The following TOX variants were observed in gnomAD, a reference collection of about 807,000 sequenced individuals.
The protein encoded by TOX is thymocyte selection associated high mobility group box, also known as thymocyte selection-associated high mobility group box protein TOX.
In TOX, 11 loss-of-function variants were observed where a neutral mutation model predicts 53.7. The observed-to-expected ratio is 0.20, with a 90% CI of 0.13 to 0.34. The LOEUF is 0.34. TOX is among the 10% of genes least tolerant of loss of function. The pLI, the probability that TOX is intolerant of heterozygous loss-of-function variation, is 1.00. For synonymous variants in TOX, 225 were observed against 245.3 expected (o/e 0.92, Z 0.77); for missense variants, 570 against 664.6 (o/e 0.86, Z 1.56).
At chr8:58,869,160 G>A (rs373640172) in intron 3 of TOX, among the ~76,000 whole-genome samples, 68 of 148,856 alleles carry the variant, frequency 4.6e-4, no homozygotes, top group African/African-American at 1.5e-3. Context: ...CCGGGAGGCA[G>A]AGGTTGCAGT....
intron 1 of TOX, among the ~76,000 whole-genome samples, chr8:59,045,940 G>A (rs1201543404): frequency 6.6e-6 from 1 of 152,142 alleles, no homozygotes; most frequent in Non-Finnish European, 1.5e-5. Flanking sequence ...CTCCAGCTGT[G>A]GCACCAACAA....
intron 1 of TOX, among the ~76,000 whole-genome samples, chr8:58,970,810 CA>C (rs1427621053): frequency 6.6e-6 from 1 of 152,194 alleles, no homozygotes; most frequent in Non-Finnish European, 1.5e-5. Flanking sequence ...AATACTGTCA[CA>C]ACTAAAAGTA....
At chr8:58,985,769 A>C (rs1813317183) in intron 1 of TOX, among the ~76,000 whole-genome samples, 1 of 152,220 alleles carries the variant, frequency 6.6e-6, no homozygotes, top group Non-Finnish European at 1.5e-5. Flanking sequence ...TCAGCTGAAC[A>C]CAAATCTCTT....
rs114218612 is a variant in TOX, at chr8:58,944,436, C to T, written c.169-4892G>A. ...TCTTAAAACCTTAAAATTTGGTAAT[C>T]GCACATTTAGCTTATAAAGTGCTAC... On this transcript the variant is annotated intron_variant, in intron 2 of 8. Transcript: ENST00000361421. Among the ~76,000 whole-genome samples the T allele has an allele frequency of 4.8e-3, 730 of 152,278 alleles. 2 individuals are homozygous for T. The highest frequency in any genetic ancestry group is 0.017 in the African/African-American group (701 of 41,548).
intron 6 of TOX, among the ~76,000 whole-genome samples, chr8:58,821,027 G>A (rs1810266406): frequency 1.3e-5 from 2 of 152,124 alleles, no homozygotes; most frequent in South Asian, 4.1e-4. Context: ...GTGTAAAATT[G>A]CTTAAGATGG....
chr8:58,839,435 A>G (rs13281543), intron 4 of TOX, among the ~76,000 whole-genome samples: 69,814 of 152,054 alleles, frequency 0.46, 17,940 homozygotes, highest in African/African-American at 0.71. Context: ...CCATGTTCCT[A>G]AAGTATGAAT....
intron 3 of TOX, among the ~76,000 whole-genome samples, chr8:58,884,681 G>A (rs183206976): frequency 6.6e-6 from 1 of 152,176 alleles, no homozygotes; most frequent in African/African-American, 2.4e-5. Context: ...TTTTAATTCA[G>A]GACAGACTTA....
chr8:59,014,889 C>A (rs410519), intron 1 of TOX, among the ~76,000 whole-genome samples: 1 of 152,156 alleles, frequency 6.6e-6, no homozygotes, highest in African/African-American at 2.4e-5. Context: ...AAGAAATAAC[C>A]GCTACAAAAC....
At chr8:58,896,684 TAAAATAA>T (rs1453876079) in intron 3 of TOX, among the ~76,000 whole-genome samples, 1 of 22,008 alleles carries the variant, frequency 4.5e-5, no homozygotes, top group Admixed American at 3.8e-4. Flanking sequence ...AAAAATAAAA[TAAAATAA>T]AATAAAATAA....
At chr8:58,935,654 T>A (rs1467569706) in intron 3 of TOX, among the ~76,000 whole-genome samples, 3 of 152,174 alleles carry the variant, frequency 2.0e-5, no homozygotes, top group Non-Finnish European at 4.4e-5. Context: ...TTTTCCTGTC[T>A]AATGGGCACT....
Position 58,807,450 on chromosome 8 carries a change from C to T in TOX, c.*297G>A, listed in dbSNP as rs1259777193. Reference sequence around the variant, plus strand: ...CCAGGACTTTTATCCGAGACATCTACAGTTGCTAAGGCAGTTACTAGAGCG... The same window carrying T: ...CCAGGACTTTTATCCGAGACATCTATAGTTGCTAAGGCAGTTACTAGAGCG... On this transcript the variant is annotated 3_prime_UTR_variant, in exon 9 of 9. Coordinates refer to ENST00000361421, the MANE Select transcript of TOX (RefSeq NM_014729.3). The T allele has an allele frequency of 3.2e-6, 1 of 314,864 alleles. No homozygotes were observed. Among genetic ancestry groups the T allele is most frequent in the South Asian group, 6.4e-5 (1 of 15,636 alleles). 19.5% of individuals were successfully genotyped at this position (314,864 alleles called of 1,614,324 possible).
intron 3 of TOX, among the ~76,000 whole-genome samples, chr8:58,882,064 A>G (rs977255249): frequency 6.6e-6 from 1 of 152,210 alleles, no homozygotes; most frequent in Non-Finnish European, 1.5e-5. Context: ...TAATTGTGCA[A>G]TTGTGACTAA....
chr8:59,022,268 A>C (rs1814150389), intron 1 of TOX, among the ~76,000 whole-genome samples: 1 of 152,094 alleles, frequency 6.6e-6, no homozygotes, highest in South Asian at 2.1e-4. Flanking sequence ...CCAGTCTTTA[A>C]ACTCATTCAT....
intron 1 of TOX, among the ~76,000 whole-genome samples, chr8:59,041,630 T>G (rs569564274): frequency 6.6e-6 from 1 of 152,344 alleles, no homozygotes; most frequent in Non-Finnish European, 1.5e-5. Context: ...CAGCAAGTTC[T>G]TCATCTTTGT....
At chr8:58,991,335 C>A (rs1813441947) in intron 1 of TOX, among the ~76,000 whole-genome samples, 1 of 152,220 alleles carries the variant, frequency 6.6e-6, no homozygotes, top group South Asian at 2.1e-4. Context: ...AAGAGTGACT[C>A]ACTTTCTCCC....
chr8:59,070,250 T>C (rs1467296787), intron 1 of TOX, among the ~76,000 whole-genome samples: 2 of 152,178 alleles, frequency 1.3e-5, no homozygotes, highest in Non-Finnish European at 2.9e-5. Flanking sequence ...GCCAAATATC[T>C]GCCTCAACAC....
At chr8:58,895,795 G>A (rs1811634966) in intron 3 of TOX, among the ~76,000 whole-genome samples, 1 of 152,140 alleles carries the variant, frequency 6.6e-6, no homozygotes, top group African/African-American at 2.4e-5. Context: ...GGCAGACTGG[G>A]TTTTAATTTT....
At chr8:58,835,957 G>A (rs1205101316) in intron 5 of TOX, among the ~76,000 whole-genome samples, 1 of 152,126 alleles carries the variant, frequency 6.6e-6, no homozygotes, top group African/African-American at 2.4e-5. Flanking sequence ...CCTTCACGGG[G>A]GAATCATGTG....
At chr8:58,845,926 T>C (rs540275685) in intron 4 of TOX, among the ~76,000 whole-genome samples, 2 of 152,120 alleles carry the variant, frequency 1.3e-5, no homozygotes, top group Non-Finnish European at 2.9e-5. Flanking sequence ...TAGGGAAATA[T>C]GTTTACTTCT....
Sources: gnomAD v4.1 joint callset for allele counts (sites outside exome capture counted in the v4.1 genomes callset) on GRCh38, gnomAD v4.1.1 for gene constraint, MANE v1.5 for transcripts, NCBI Gene and HGNC (gene_info 2026-07-23, HGNC 2026-07-21) for gene names.